Variants in CSMD2 observed in about 807,000 individuals in gnomAD.
CSMD2 encodes the protein CUB and Sushi multiple domains 2, also known as CUB and sushi domain-containing protein 2.
CSMD2 carries 130 observed loss-of-function variants against 398.5 expected under a neutral mutation model. The ratio of observed to expected loss-of-function variants is 0.33; its 90% CI spans 0.28 to 0.38. CSMD2 has a LOEUF of 0.38. CSMD2 is among the 10% of genes least tolerant of loss of function. The probability of loss-of-function intolerance (pLI) is 1.00; values close to 1 mark genes in which losing one functional copy is unlikely to be tolerated. For missense variants in CSMD2, 3,829 were observed against 4,764.9 expected (o/e 0.80, Z 5.78); for synonymous variants, 1,828 against 1,908.5 (o/e 0.96, Z 1.10).
chr1:33,811,011 T>C, intron 9 of CSMD2, 147 bp from the exon 10 acceptor site: 1 of 836,618 alleles, frequency 1.2e-6, no homozygotes, highest in South Asian at 1.8e-5. Flanking sequence ...TCCTCTACAG[T>C]TCTTGGGAGG....
At chr1:34,082,048 C>G (rs1324594565) in intron 2 of CSMD2, among the ~76,000 whole-genome samples, 1 of 150,312 alleles carries the variant, frequency 6.7e-6, no homozygotes, top group Non-Finnish European at 1.5e-5. Context: ...TCTTCCCGGC[C>G]GTCATCCCGT....
At chr1:33,820,013 T>G (rs922678372) in intron 8 of CSMD2, among the ~76,000 whole-genome samples, 176 bp from the exon 9 acceptor site, 8 of 152,220 alleles carry the variant, frequency 5.3e-5, no homozygotes, top group African/African-American at 1.9e-4. Flanking sequence ...CTCTTCATCT[T>G]CTTTTTTCGG....
At chr1:33,545,427 T>C (rs1656783535) in intron 57 of CSMD2, among the ~76,000 whole-genome samples, 1 of 152,238 alleles carries the variant, frequency 6.6e-6, no homozygotes, top group Non-Finnish European at 1.5e-5. Flanking sequence ...ATTGAATATT[T>C]GTTTCACGTA....
intron 3 of CSMD2, among the ~76,000 whole-genome samples, chr1:33,992,751 C>T (rs1646599329): frequency 6.6e-6 from 1 of 151,402 alleles, no homozygotes. Context: ...GTGGTGGGCG[C>T]CTGTGGTTCT....
At chr1:33,775,196 T>A (rs1358428899) in intron 12 of CSMD2, among the ~76,000 whole-genome samples, 1 of 152,086 alleles carries the variant, frequency 6.6e-6, no homozygotes, top group African/African-American at 2.4e-5. Flanking sequence ...ATGCCATAAA[T>A]CCAATTCACA....
Position 33,567,808 on chromosome 1 carries a change from T to G in CSMD2, c.8165A>C (p.Lys2722Thr). 1 of 1,603,706 alleles carries G rather than the reference T, an allele frequency of 6.2e-7. No homozygotes were observed. The highest frequency in any genetic ancestry group is 1.1e-5 in the South Asian group (1 of 89,382). Residue 2722 changes from lysine (K) to threonine (T), a missense_variant, in exon 53 of 71, where the codon AAG becomes ACG. By Grantham distance (78) the Lys-to-Thr change is moderately conservative. Transcript: ENST00000373381. The part of the protein sequence containing the change: ...TQTKLHSIFY[K>T]LLFDVLSSPS... ...GGAAGAGAGTACATCGAAGAGGAGC[T>G]TATAGAAAATGGAGTGGAGCTTGGT...
chr1:33,952,900 G>A (rs1265031881), intron 3 of CSMD2, among the ~76,000 whole-genome samples: 3 of 152,206 alleles, frequency 2.0e-5, no homozygotes, highest in Non-Finnish European at 4.4e-5. Flanking sequence ...AGCTTTCTGT[G>A]AGATTGTCAG....
At chr1:34,019,704 T>A (rs576281515) in intron 3 of CSMD2, among the ~76,000 whole-genome samples, 1 of 152,264 alleles carries the variant, frequency 6.6e-6, no homozygotes, top group East Asian at 1.9e-4. Context: ...CGGAGCCACT[T>A]CCCTGCCTAA....
chr1:33,619,745 T>C (rs1641643561), intron 37 of CSMD2, among the ~76,000 whole-genome samples: 1 of 152,208 alleles, frequency 6.6e-6, no homozygotes, highest in South Asian at 2.1e-4. Context: ...ATGAGTGTGA[T>C]ATTTGGAAAT....
chr1:33,651,927 G>C (rs753393716), intron 28 of CSMD2, among the ~76,000 whole-genome samples: 16 of 151,988 alleles, frequency 1.1e-4, no homozygotes, highest in Non-Finnish European at 2.4e-4. Flanking sequence ...GCTAGATTGG[G>C]GGGGGTGCCT....
At chr1:33,987,150 G>A (rs1646387270) in intron 3 of CSMD2, among the ~76,000 whole-genome samples, 1 of 152,106 alleles carries the variant, frequency 6.6e-6, no homozygotes, top group African/African-American at 2.4e-5. Flanking sequence ...AGACTCTGGA[G>A]ACACACAGGC....
At chr1:33,955,259 C>T (rs1290891266) in intron 3 of CSMD2, among the ~76,000 whole-genome samples, 1 of 152,182 alleles carries the variant, frequency 6.6e-6, no homozygotes, top group Admixed American at 6.5e-5. Flanking sequence ...CACGAGGCGC[C>T]GCCTGAGTGG....
intron 4 of CSMD2, among the ~76,000 whole-genome samples, chr1:33,921,601 A>G (rs1308807403): frequency 2.6e-5 from 4 of 152,178 alleles, no homozygotes; most frequent in Non-Finnish European, 4.4e-5. Context: ...AACCTTCAAA[A>G]AAGCACAGGA....
At chr1:33,880,563 G>A (rs956791179) in intron 5 of CSMD2, among the ~76,000 whole-genome samples, 2 of 152,122 alleles carry the variant, frequency 1.3e-5, no homozygotes, top group Non-Finnish European at 2.9e-5. Context: ...AAAAGACTGC[G>A]CTCTTCACTT....
At chr1:33,632,448 C>T (rs1557651230) in intron 32 of CSMD2, among the ~76,000 whole-genome samples, 1 of 152,036 alleles carries the variant, frequency 6.6e-6, no homozygotes, top group South Asian at 2.1e-4. Flanking sequence ...GTAGAAAAAT[C>T]GACACAAATT....
At chr1:33,939,984 C>T (rs1339509820) in intron 3 of CSMD2, among the ~76,000 whole-genome samples, 1 of 152,172 alleles carries the variant, frequency 6.6e-6, no homozygotes, top group African/African-American at 2.4e-5. Context: ...TGTAACAGCA[C>T]CACAAACTAG....
chr1:34,047,947 C>T (rs12038191), intron 2 of CSMD2, among the ~76,000 whole-genome samples: 11,433 of 152,248 alleles, frequency 0.075, 885 homozygotes, highest in East Asian at 0.32. Context: ...CCAGTCTCCC[C>T]AAGAGAGGGG....
intron 2 of CSMD2, among the ~76,000 whole-genome samples, chr1:34,076,932 T>TAA (rs1558342762): frequency 2.4e-5 from 1 of 42,236 alleles, no homozygotes; most frequent in Non-Finnish European, 4.1e-5. Flanking sequence ...AAAAAAAATA[T>TAA]ATATATATAT....
At chr1:33,945,071 G>A (rs1644799887) in intron 3 of CSMD2, among the ~76,000 whole-genome samples, 1 of 152,058 alleles carries the variant, frequency 6.6e-6, no homozygotes, top group Non-Finnish European at 1.5e-5. Context: ...GGGCCACAGA[G>A]AGGCTGTCAG....
Sources: allele counts gnomAD v4.1 joint callset (sites outside exome capture counted in the v4.1 genomes callset), GRCh38; gene constraint gnomAD v4.1.1; transcripts MANE v1.5; gene names NCBI Gene and HGNC (gene_info 2026-07-23, HGNC 2026-07-21).